The following CEP89 variants were observed in gnomAD, a reference collection of about 807,000 sequenced individuals.
The protein encoded by CEP89 is centrosomal protein of 89 kDa.
In CEP89, 95 loss-of-function variants were observed where a neutral mutation model predicts 97.6. The observed-to-expected ratio is 0.97, with a 90% CI of 0.82 to 1.15. The LOEUF (loss-of-function observed/expected upper bound fraction) is 1.15. CEP89 is among the 50% of genes most tolerant of loss of function. The pLI, the probability that CEP89 is intolerant of heterozygous loss-of-function variation, is 0.00. For missense variants in CEP89, 869 were observed against 947.7 expected (o/e 0.92, Z 1.09); for synonymous variants, 354 against 349.1 (o/e 1.01, Z -0.16).
In CEP89 at chr19:32,936,514, C is replaced by T. The variant is rs1001008483; in HGVS notation, c.667+1117G>A. ...AGGCTGGGGACCGGGTTGCCTGTCC[C>T]GTGGGACTGCAGTAGGAACTTATGG... On this transcript the variant is annotated intron_variant, in intron 7 of 18. Coordinates refer to ENST00000305768, the MANE Select transcript of CEP89 (RefSeq NM_032816.5). This position sits in a 1 kb window ranked among gnomAD's most constrained non-coding sequence, Gnocchi z 4.5. 6.6e-6 allele frequency among the ~76,000 whole-genome samples: 1 copy of T among 152,106 alleles called. No homozygotes were observed. Among genetic ancestry groups the T allele is most frequent in the Admixed American group, 6.5e-5 (1 of 15,274 alleles).
intron 4 of CEP89, among the ~76,000 whole-genome samples, chr19:32,951,558 C>CACACACAT (rs1475667330): frequency 6.6e-6 from 1 of 150,820 alleles, no homozygotes; most frequent in African/African-American, 2.4e-5. Context: ...CACACACACA[C>CACACACAT]ACACACACGC....
At chr19:32,899,207 T>C (rs946898953) in intron 16 of CEP89, among the ~76,000 whole-genome samples, 2 of 151,620 alleles carry the variant, frequency 1.3e-5, no homozygotes, top group African/African-American at 4.8e-5. Context: ...CATAGCTCAC[T>C]GCAGCCTTCA....
At position 32,931,459 on chromosome 19, in the gene CEP89, C is replaced by T; in HGVS notation, c.999G>A (p.Gln333=). 1 of 1,584,930 alleles carries T rather than the reference C, an allele frequency of 6.3e-7. No individual in the cohort carries two copies. The highest frequency in any genetic ancestry group is 8.5e-7 in the Non-Finnish European group (1 of 1,172,502). Residue 333 remains glutamine, a synonymous_variant, in exon 9 of 19, where the codon CAG becomes CAA. Transcript: ENST00000305768. ...HRLNVELSRY[Q]TKFRHLSKEE... ...CCTTGGACAAATGCCTGAATTTTGT[C>T]TGATATCGACTGAGTTCTACATTCA...
rs1970676943 is a variant in CEP89 at position 32,940,998 on chromosome 19, T to A, written c.596-1113A>T. 2.0e-5 allele frequency among the ~76,000 whole-genome samples: 3 copies of A among 151,970 alleles called. No individual in the cohort carries two copies. The South Asian group carries it at 6.2e-4, about 32-fold the overall frequency. ...CTGGTCTTGAACTCCTGACCTCAGATAATCCACCTGCCTCGGCCTCCCAAG... is the reference window on the plus strand; with the variant it reads ...CTGGTCTTGAACTCCTGACCTCAGAAAATCCACCTGCCTCGGCCTCCCAAG... On this transcript the variant is annotated intron_variant, in intron 5 of 18. Coordinates refer to ENST00000305768, the MANE Select transcript of CEP89 (RefSeq NM_032816.5).
chr19:32,939,812 ACT>A (rs1179203314), intron 6 of CEP89, 43 bp downstream of exon 6: 2 of 894,850 alleles, frequency 2.2e-6, no homozygotes, highest in East Asian at 5.4e-5. Context: ...TATGATAAAA[ACT>A]CTATTTATTG....
At chr19:32,933,736 T>C in intron 7 of CEP89, 67 bp from the exon 8 acceptor site, 2 of 1,102,820 alleles carry the variant, frequency 1.8e-6, no homozygotes, top group East Asian at 4.7e-5. Flanking sequence ...CAAAATCAAC[T>C]GACTTTGTTC....
intron 16 of CEP89, among the ~76,000 whole-genome samples, chr19:32,899,326 T>C (rs1969714718): frequency 1.3e-5 from 2 of 151,900 alleles, no homozygotes; most frequent in Non-Finnish European, 2.9e-5. Flanking sequence ...TAGAGATGGG[T>C]TCTCACTATG....
chr19:32,890,539 G>A (rs994939921), intron 16 of CEP89, among the ~76,000 whole-genome samples: 7 of 152,126 alleles, frequency 4.6e-5, no homozygotes, highest in South Asian at 2.1e-4. Context: ...AACATCTAAC[G>A]GAGACCACGG....
chr19:32,896,417 T>C (rs1488665844), intron 16 of CEP89, among the ~76,000 whole-genome samples: 2 of 152,124 alleles, frequency 1.3e-5, no homozygotes, highest in African/African-American at 2.4e-5. Context: ...GATATCCATA[T>C]ACAGAAAAAT....
At chr19:32,908,492 AT>A (rs1322729204) in intron 14 of CEP89, among the ~76,000 whole-genome samples, 1 of 152,198 alleles carries the variant, frequency 6.6e-6, no homozygotes, top group African/African-American at 2.4e-5. Context: ...TGGAGAGAGA[AT>A]TTATAACATG....
rs756800441 is a variant in CEP89, at chr19:32,960,017, CCAGT to C, written c.184_187del (p.Thr62GlyfsTer19). 6.2e-7 allele frequency: 1 copy of C among 1,614,108 alleles called. No individual in the cohort carries two copies. Among genetic ancestry groups the C allele is most frequent in the African/African-American group, 1.3e-5 (1 of 74,938 alleles). Reference sequence around the variant, plus strand: ...AGGCTGAGGAATAGCAACCGTCCGCCCAGTCAATGTTGTCGCCAGAATGGCTGCT... The same window carrying C: ...AGGCTGAGGAATAGCAACCGTCCGCCCAATGTTGTCGCCAGAATGGCTGCT... On this transcript the variant is annotated frameshift_variant, in exon 3 of 19. Transcript: ENST00000305768. LOFTEE classifies it high-confidence loss of function.
intron 1 of CEP89, chr19:32,969,391 G>C (rs1418996891): frequency 1.3e-5 from 2 of 152,280 alleles, no homozygotes; most frequent in Admixed American, 6.5e-5. Context: ...CAGAGGGACT[G>C]GCAGCCCAGC....
chr19:32,929,162 C>T (rs944879229), intron 9 of CEP89, among the ~76,000 whole-genome samples: 22 of 152,160 alleles, frequency 1.4e-4, no homozygotes, highest in African/African-American at 5.1e-4. Context: ...GACACTGCAA[C>T]GCAACCCTTG....
chr19:32,889,542 G>C (rs918473620), intron 16 of CEP89, among the ~76,000 whole-genome samples: 1 of 152,170 alleles, frequency 6.6e-6, no homozygotes, highest in African/African-American at 2.4e-5. Flanking sequence ...TAAATATCTG[G>C]AGACAGTCAG....
intron 7 of CEP89, among the ~76,000 whole-genome samples, chr19:32,934,356 G>T (rs1244742701): frequency 1.3e-5 from 2 of 152,232 alleles, no homozygotes; most frequent in African/African-American, 4.8e-5. Flanking sequence ...AGGCACCAGG[G>T]TGAGGAGAAA....
At chr19:32,939,615 C>A (rs1011531016) in intron 6 of CEP89, among the ~76,000 whole-genome samples, 1 of 151,236 alleles carries the variant, frequency 6.6e-6, no homozygotes, top group Non-Finnish European at 1.5e-5. Context: ...AAGACGGAGA[C>A]CGCAGTGAGC....
chr19:32,913,627 CA>C, intron 14 of CEP89, among the ~76,000 whole-genome samples: 1 of 143,992 alleles, frequency 6.9e-6, no homozygotes, highest in Non-Finnish European at 1.5e-5. Flanking sequence ...TACACACACA[CA>C]TACACACACA....
chr19:32,930,749 T>G (rs530085243), intron 9 of CEP89, among the ~76,000 whole-genome samples: 110 of 152,236 alleles, frequency 7.2e-4, no homozygotes, highest in African/African-American at 2.6e-3. Flanking sequence ...GTGTGTGGAG[T>G]TGGACTCTGC....
intron 1 of CEP89, among the ~76,000 whole-genome samples, chr19:32,966,832 T>A (rs531572697): frequency 6.6e-6 from 1 of 152,264 alleles, no homozygotes; most frequent in South Asian, 2.1e-4. Flanking sequence ...GCAAGTGATA[T>A]CCTTATTGTT....
Sources: gnomAD v4.1 joint callset for allele counts (sites outside exome capture counted in the v4.1 genomes callset) on GRCh38, gnomAD v4.1.1 for gene constraint, Gnocchi (gnomAD v3.1) non-coding constraint, MANE v1.5 for transcripts, NCBI Gene and HGNC (gene_info 2026-07-23, HGNC 2026-07-21) for gene names.